Variants in PSEN1 observed in about 807,000 individuals in gnomAD.
The protein encoded by PSEN1 is presenilin 1.
In PSEN1, 15 loss-of-function variants were observed where a neutral mutation model predicts 53.5. That is an observed-to-expected ratio of 0.28 (90% CI 0.19 to 0.43). The LOEUF (loss-of-function observed/expected upper bound fraction) is 0.43, where lower values mean the gene tolerates loss of function less well. PSEN1 is among the 20% of genes least tolerant of loss of function. The probability of loss-of-function intolerance (pLI) is 1.00; values close to 1 mark genes in which losing one functional copy is unlikely to be tolerated. For synonymous variants in PSEN1, 208 were observed against 209.8 expected (o/e 0.99, Z 0.08); for missense variants, 387 against 571.2 (o/e 0.68, Z 3.29).
chr14:73,151,878 T>TTATATATATATATATATATA (rs768963474), intron 3 of PSEN1, among the ~76,000 whole-genome samples: 12 of 56,908 alleles, frequency 2.1e-4, no homozygotes, highest in African/African-American at 1.0e-3. Flanking sequence ...CTAAAATATT[T>TTATATATATATATATATATA]TATATATATA....
At chr14:73,188,173 C>T (rs913431208) in intron 6 of PSEN1, among the ~76,000 whole-genome samples, 2 of 150,986 alleles carry the variant, frequency 1.3e-5, no homozygotes, top group Non-Finnish European at 2.9e-5. Context: ...GTGATCCGCC[C>T]GCCTTGGCCT....
intron 3 of PSEN1, among the ~76,000 whole-genome samples, chr14:73,155,852 G>C (rs1009516596): frequency 6.6e-6 from 1 of 152,066 alleles, no homozygotes; most frequent in Non-Finnish European, 1.5e-5. Context: ...GTCATTATCT[G>C]TTTATACAAA....
At chr14:73,215,220 C>T (rs1355706824) in intron 10 of PSEN1, among the ~76,000 whole-genome samples, 1 of 151,898 alleles carries the variant, frequency 6.6e-6, no homozygotes, top group East Asian at 2.0e-4. Flanking sequence ...CTCAGCCTCC[C>T]AGAGTGCTGG....
rs1026656957 is a variant in PSEN1, at chr14:73,192,889, T to G, written c.769+25T>G. Reference sequence around the variant, plus strand: ...GGTAAAACCCAAGACTGATAATTTGTTTGTCACAGGAATGCCCCACTGGAG... The same window carrying G: ...GGTAAAACCCAAGACTGATAATTTGGTTGTCACAGGAATGCCCCACTGGAG... On this transcript the variant is annotated intron_variant, in intron 7 of 11. Coordinates refer to ENST00000324501, the MANE Select transcript of PSEN1 (RefSeq NM_000021.4). 6 of 1,557,786 alleles carry G rather than the reference T, an allele frequency of 3.9e-6. No individual in the cohort carries two copies. The African/African-American group carries it at 8.1e-5, about 21-fold the overall frequency.
intron 3 of PSEN1, among the ~76,000 whole-genome samples, chr14:73,158,316 C>CTATG (rs1897427344): frequency 6.6e-6 from 1 of 151,304 alleles, no homozygotes; most frequent in Non-Finnish European, 1.5e-5. Flanking sequence ...ATCTATCTAT[C>CTATG]TATCTATCTA....
intron 4 of PSEN1, among the ~76,000 whole-genome samples, chr14:73,172,622 C>T (rs1227361820): frequency 1.3e-5 from 2 of 152,230 alleles, no homozygotes; most frequent in African/African-American, 4.8e-5. Flanking sequence ...AGTGTTTGCA[C>T]TGGAGACCAT....
At chr14:73,181,909 G>C (rs1027993755) in intron 5 of PSEN1, among the ~76,000 whole-genome samples, 1 of 152,090 alleles carries the variant, frequency 6.6e-6, no homozygotes, top group African/African-American at 2.4e-5. Context: ...TGGTAGCTGG[G>C]ACTACAGGCA....
chr14:73,173,743 G>A (rs199723458), intron 5 of PSEN1, 36 bp downstream of exon 5: 2 of 1,609,482 alleles, frequency 1.2e-6, no homozygotes, highest in Non-Finnish European at 1.7e-6. Flanking sequence ...TTTCCACCCT[G>A]TTCTTCTTAT....
rs956095391 is a variant in PSEN1 at position 73,222,198 on chromosome 14, G to A, written c.*2909G>A. 2.0e-5 allele frequency: 3 copies of A among 152,230 alleles called. No homozygotes were observed. The highest frequency in any genetic ancestry group is 2.0e-4 in the Admixed American group (3 of 15,294). The allele number at this position is 152,230 out of a possible 1,614,324, so 9.4% of individuals were successfully genotyped here. On this transcript the variant is annotated 3_prime_UTR_variant, in exon 12 of 12. Coordinates refer to ENST00000324501, the MANE Select transcript of PSEN1 (RefSeq NM_000021.4). ...CTCAATTTCTCAATTAGAAAAAGTA[G>A]AAGCTTTCTAAGCAACTTGGAAGAA...
rs555150760 is a variant in PSEN1, at chr14:73,160,129, G to A, written c.88-10668G>A. 1.2e-3 allele frequency: 223 copies of A among 179,164 alleles called. 1 individual carries two copies. The highest frequency in any genetic ancestry group is 4.9e-3 in the Middle Eastern group (8 of 1,648). 11.1% of individuals were successfully genotyped at this position (179,164 alleles called of 1,614,324 possible). A position where few individuals can be genotyped will look rare whatever the true frequency, so the allele number is the denominator to read the frequency against. On this transcript the variant is annotated intron_variant, in intron 3 of 11. Coordinates refer to ENST00000324501, the MANE Select transcript of PSEN1 (RefSeq NM_000021.4). ...GTGAGCCATCATGCCCAGCTGGCTAGATATTTCATGTAAGTGGAATCATAC... is the reference window on the plus strand; with the variant it reads ...GTGAGCCATCATGCCCAGCTGGCTAAATATTTCATGTAAGTGGAATCATAC...
At chr14:73,180,185 A>G (rs1329458270) in intron 5 of PSEN1, among the ~76,000 whole-genome samples, 4 of 152,034 alleles carry the variant, frequency 2.6e-5, no homozygotes, top group African/African-American at 9.7e-5. Flanking sequence ...AGGGTTCCCC[A>G]TGTTGCCCAG....
At chr14:73,166,232 A>G (rs768220257) in intron 3 of PSEN1, among the ~76,000 whole-genome samples, 87 of 152,174 alleles carry the variant, frequency 5.7e-4, no homozygotes, top group Non-Finnish European at 1.5e-4. Flanking sequence ...CAGATCATCC[A>G]GTTGGGGACT....
intron 4 of PSEN1, among the ~76,000 whole-genome samples, chr14:73,172,735 T>A (rs145496879): frequency 6.6e-6 from 1 of 152,236 alleles, no homozygotes; most frequent in Non-Finnish European, 1.5e-5. Context: ...TGCACATACT[T>A]TCTCTCTCAT....
At chr14:73,147,928 T>C in intron 2 of PSEN1, 39 bp from the exon 3 acceptor site, 1 of 930,684 alleles carries the variant, frequency 1.1e-6, no homozygotes. Flanking sequence ...AACAGTATAA[T>C]TGTAGTGCAC....
intron 3 of PSEN1, 88 bp from the exon 4 acceptor site, chr14:73,170,709 A>G: frequency 7.2e-7 from 1 of 1,385,682 alleles, no homozygotes. Flanking sequence ...ACTCATAGTG[A>G]CGGGTCTGTT....
Position 73,216,758 on chromosome 14 carries a change from C to CA in PSEN1, c.1130-354dup, listed in dbSNP as rs58497887. Reference sequence around the variant, plus strand: ...TGGGCCACAGAGCAAAACTCCATCTCAAAAAAAAAAAAAATATTAATTAAT... The same window carrying CA: ...TGGGCCACAGAGCAAAACTCCATCTCAAAAAAAAAAAAAAATATTAATTAAT... On this transcript the variant is annotated intron_variant, in intron 10 of 11. Coordinates refer to ENST00000324501, the MANE Select transcript of PSEN1 (RefSeq NM_000021.4). Among the ~76,000 whole-genome samples, 568 of 130,588 alleles carry CA rather than the reference C, an allele frequency of 4.3e-3. 6 individuals carry two copies. The highest frequency in any genetic ancestry group is 0.013 in the South Asian group (52 of 4,088). 85.7% of individuals were successfully genotyped at this position (130,588 alleles called of 152,430 possible). A position where few individuals can be genotyped will look rare whatever the true frequency, so the allele number is the denominator to read the frequency against.
In PSEN1 at chr14:73,161,006, G is replaced by C. The variant is rs190653425; in HGVS notation, c.88-9791G>C. 1.4e-3 allele frequency among the ~76,000 whole-genome samples: 159 copies of C among 116,350 alleles called. 1 individual carries two copies. The highest frequency in any genetic ancestry group is 5.2e-3 in the African/African-American group (155 of 29,730). 76.3% of individuals were successfully genotyped at this position (116,350 alleles called of 152,430 possible). On this transcript the variant is annotated intron_variant, in intron 3 of 11. Coordinates refer to ENST00000324501, the MANE Select transcript of PSEN1 (RefSeq NM_000021.4). ...TTTTTTTTCGATACAAGGTTTTACTGTGTCACCCAGGCTGGAGTAAAGTAG... is the reference window on the plus strand; with the variant it reads ...TTTTTTTTCGATACAAGGTTTTACTCTGTCACCCAGGCTGGAGTAAAGTAG...
chr14:73,209,463 G>A (rs1347086138), intron 9 of PSEN1, among the ~76,000 whole-genome samples: 1 of 152,242 alleles, frequency 6.6e-6, no homozygotes, highest in Non-Finnish European at 1.5e-5. Context: ...AGGTATATAT[G>A]TATGTGAGTG....
rs115739628 is a variant in PSEN1, at chr14:73,214,089, T to C, written c.1129+2147T>C. Among the ~76,000 whole-genome samples the C allele has an allele frequency of 6.7e-3, 1,013 of 152,316 alleles. 10 individuals carry two copies. The highest frequency in any genetic ancestry group is 0.023 in the African/African-American group (973 of 41,558). On this transcript the variant is annotated intron_variant, in intron 10 of 11. Transcript: ENST00000324501. ...AAACAGAAACAACCCACATGTCTAT[T>C]AACTGATAAGTGGATAATAAATGTG... is the stretch of plus-strand genomic sequence containing the variant.
Sources: gnomAD v4.1 joint callset for allele counts (sites outside exome capture counted in the v4.1 genomes callset) on GRCh38, gnomAD v4.1.1 for gene constraint, MANE v1.5 for transcripts, NCBI Gene and HGNC (gene_info 2026-07-23, HGNC 2026-07-21) for gene names.